Variants in ADAMTS12 observed in about 807,000 individuals in gnomAD.
ADAMTS12 encodes the protein A disintegrin and metalloproteinase with thrombospondin motifs 12.
Under a neutral mutation model 167.8 loss-of-function variants are expected in ADAMTS12, and 118 were observed. The ratio of observed to expected loss-of-function variants is 0.70; its 90% confidence interval spans 0.61 to 0.82. The LOEUF (loss-of-function observed/expected upper bound fraction) is 0.82. Ranked by LOEUF, ADAMTS12 falls within the 40% of genes least tolerant of loss-of-function variation. The probability of loss-of-function intolerance (pLI) is 0.00; values close to 1 mark genes in which losing one functional copy is unlikely to be tolerated. For missense variants in ADAMTS12, 1,916 were observed against 1,998.8 expected (o/e 0.96, Z 0.79); for synonymous variants, 704 against 716.9 (o/e 0.98, Z 0.29).
chr5:33,622,832 A>C (rs114450816), intron 14 of ADAMTS12, among the ~76,000 whole-genome samples: 325 of 152,356 alleles, frequency 2.1e-3, no homozygotes, highest in Non-Finnish European at 3.9e-3. Flanking sequence ...AGCCTAAGAC[A>C]TACCGGTTAT....
chr5:33,572,740 T>C (rs1746453519), intron 19 of ADAMTS12, among the ~76,000 whole-genome samples: 1 of 147,382 alleles, frequency 6.8e-6, no homozygotes, highest in African/African-American at 2.5e-5. Flanking sequence ...TGTTGGAAGT[T>C]CTGGCCAGGG....
rs1174046112 is a variant in ADAMTS12 at position 33,751,412 on chromosome 5, C to T, written c.626G>A (p.Gly209Glu). 1 of 1,614,120 alleles carries T rather than the reference C, an allele frequency of 6.2e-7. No homozygotes were observed. The highest frequency in any genetic ancestry group is 2.2e-5 in the East Asian group (1 of 44,872). ...KVPETKEPTC[G>E]LKDSVNISQK... ...CATGTGAGTCACAATACCCTTTAAT[C>T]CACAGGTTGGCTCCTTGGTTTCTGG... The change falls in exon 3 of 24, where the codon GGA becomes GAA. Residue 209 changes from glycine to glutamate, a missense_variant. Physicochemically the swap from Gly to Glu is moderately conservative, Grantham distance 98. Transcript: ENST00000504830.
chr5:33,593,469 T>C (rs1747746822), intron 17 of ADAMTS12, among the ~76,000 whole-genome samples: 1 of 152,232 alleles, frequency 6.6e-6, no homozygotes, highest in South Asian at 2.1e-4. Flanking sequence ...ATAATGAGCA[T>C]AAATGTATCT....
rs551456512 is a variant in ADAMTS12 at position 33,680,877 on chromosome 5, G to A, written c.915+2141C>T. On this transcript the variant is annotated intron_variant, in intron 5 of 23. Coordinates refer to ENST00000504830, the MANE Select transcript of ADAMTS12 (RefSeq NM_030955.4). ...TACCAATTTTTATTGGTCTGGTTCC[G>A]CCAACCAATAAAACCATCTTCAGAA... Among the ~76,000 whole-genome samples, 14 of 152,142 alleles carry A rather than the reference G, an allele frequency of 9.2e-5. 1 individual carries two copies. In the East Asian group the frequency reaches 1.4e-3, roughly 15 times the overall value.
chr5:33,571,341 T>G (rs2111936781), intron 19 of ADAMTS12, among the ~76,000 whole-genome samples: 1 of 152,150 alleles, frequency 6.6e-6, no homozygotes, highest in Non-Finnish European at 1.5e-5. Context: ...ACCACATACT[T>G]GGAAGTAAAG....
intron 3 of ADAMTS12, among the ~76,000 whole-genome samples, chr5:33,748,381 T>C (rs1264604696): frequency 6.6e-6 from 1 of 152,200 alleles, no homozygotes; most frequent in Non-Finnish European, 1.5e-5. Context: ...GCAGCAGGGC[T>C]TAGCAAACAT....
At chr5:33,752,864 T>C (rs1275902789) in intron 2 of ADAMTS12, among the ~76,000 whole-genome samples, 1 of 152,244 alleles carries the variant, frequency 6.6e-6, no homozygotes, top group Non-Finnish European at 1.5e-5. Flanking sequence ...AGGGGGATGC[T>C]GGTCTCCACT....
chr5:33,639,080 G>A (rs1214616468), intron 11 of ADAMTS12, among the ~76,000 whole-genome samples: 3 of 152,108 alleles, frequency 2.0e-5, no homozygotes, highest in African/African-American at 7.2e-5. Context: ...ATTTCTCTGA[G>A]CCTCAGTTTT....
At chr5:33,715,184 A>C (rs1406319883) in intron 3 of ADAMTS12, among the ~76,000 whole-genome samples, 1 of 152,072 alleles carries the variant, frequency 6.6e-6, no homozygotes, top group Non-Finnish European at 1.5e-5. Flanking sequence ...GGAATGTCAT[A>C]ATTGAGTTAA....
chr5:33,755,170 A>G (rs1745125489), intron 2 of ADAMTS12, among the ~76,000 whole-genome samples: 1 of 152,222 alleles, frequency 6.6e-6, no homozygotes, highest in Non-Finnish European at 1.5e-5. Flanking sequence ...AGGAAAAAAT[A>G]TTTGATATAC....
intron 2 of ADAMTS12, among the ~76,000 whole-genome samples, chr5:33,856,859 A>T (rs1285191638): frequency 6.6e-6 from 1 of 152,202 alleles, no homozygotes; most frequent in East Asian, 1.9e-4. Flanking sequence ...TCAAAAACTA[A>T]AAGTAAATTA....
intron 2 of ADAMTS12, among the ~76,000 whole-genome samples, chr5:33,874,960 C>T (rs778042683): frequency 3.9e-5 from 6 of 152,162 alleles, no homozygotes; most frequent in East Asian, 1.9e-4. Flanking sequence ...CCTGGCTACT[C>T]GGGAGGCTGA....
chr5:33,761,531 G>A (rs1745357474), intron 2 of ADAMTS12, among the ~76,000 whole-genome samples: 1 of 152,076 alleles, frequency 6.6e-6, no homozygotes, highest in African/African-American at 2.4e-5. Context: ...ATGAAGAGGA[G>A]GTCGAGTGAG....
At chr5:33,749,717 G>A (rs995073621) in intron 3 of ADAMTS12, among the ~76,000 whole-genome samples, 1 of 152,172 alleles carries the variant, frequency 6.6e-6, no homozygotes, top group Non-Finnish European at 1.5e-5. Context: ...TAAATGGGAT[G>A]ACAAACATAA....
chr5:33,835,085 G>A (rs562209862), intron 2 of ADAMTS12, among the ~76,000 whole-genome samples: 16 of 152,274 alleles, frequency 1.1e-4, no homozygotes, highest in Admixed American at 3.3e-4. Context: ...TTAAACTTCA[G>A]GACAACCCAT....
chr5:33,744,884 A>C (rs1026086447), intron 3 of ADAMTS12, among the ~76,000 whole-genome samples: 1 of 152,202 alleles, frequency 6.6e-6, no homozygotes, highest in Non-Finnish European at 1.5e-5. Context: ...GCATGATTAT[A>C]GCTCACTGCA....
At chr5:33,600,786 A>G (rs760260599) in intron 16 of ADAMTS12, among the ~76,000 whole-genome samples, 14 of 152,254 alleles carry the variant, frequency 9.2e-5, no homozygotes, top group Non-Finnish European at 1.6e-4. Flanking sequence ...ATTGATTTTA[A>G]TAATAGAAAA....
At chr5:33,601,380 C>T (rs1055807874) in intron 16 of ADAMTS12, among the ~76,000 whole-genome samples, 9 of 152,100 alleles carry the variant, frequency 5.9e-5, no homozygotes, top group African/African-American at 2.2e-4. Flanking sequence ...ATGCTGAATG[C>T]ACATAGTAGG....
chr5:33,789,068 T>C (rs1447100659), intron 2 of ADAMTS12, among the ~76,000 whole-genome samples: 4 of 152,248 alleles, frequency 2.6e-5, no homozygotes, highest in Non-Finnish European at 5.9e-5. Context: ...ACACGGATTC[T>C]GTACATCAAA....
Sources: allele counts gnomAD v4.1 joint callset (sites outside exome capture counted in the v4.1 genomes callset), GRCh38; gene constraint gnomAD v4.1.1; transcripts MANE v1.5; gene names NCBI Gene and HGNC (gene_info 2026-07-23, HGNC 2026-07-21).